Variants in ALOX5AP observed in about 807,000 individuals in gnomAD.
The protein encoded by ALOX5AP is arachidonate 5-lipoxygenase activating protein, also known as arachidonate 5-lipoxygenase-activating protein.
A neutral mutation model predicts 18.5 loss-of-function variants in ALOX5AP; 9 were observed. The ratio of observed to expected loss-of-function variants is 0.49; its 90% CI spans 0.29 to 0.85. ALOX5AP has a LOEUF of 0.85. Among genes scored for constraint, ALOX5AP ranks in the 40% least tolerant of loss-of-function variants. ALOX5AP has a pLI of 0.08. For missense variants in ALOX5AP, 172 were observed against 202.5 expected (o/e 0.85, Z 0.91); for synonymous variants, 81 against 78.6 (o/e 1.03, Z -0.16).
chr13:30,748,604 A>G (rs1337120519), intron 2 of ALOX5AP, among the ~76,000 whole-genome samples: 1 of 152,220 alleles, frequency 6.6e-6, no homozygotes, highest in Non-Finnish European at 1.5e-5. Flanking sequence ...TTCTCAAAAG[A>G]AAATCCAGAA....
chr13:30,723,401 A>C (rs1357342195), intron 1 of ALOX5AP, among the ~76,000 whole-genome samples: 1 of 152,240 alleles, frequency 6.6e-6, no homozygotes, highest in Non-Finnish European at 1.5e-5. Context: ...TGTCATAGAT[A>C]TCTGGTCACC....
chr13:30,727,892 C>T (rs1951651480), intron 1 of ALOX5AP, among the ~76,000 whole-genome samples: 1 of 152,134 alleles, frequency 6.6e-6, no homozygotes, highest in Non-Finnish European at 1.5e-5. Flanking sequence ...TCTTTCCCTC[C>T]TGACAGTCTG....
chr13:30,741,505 T>C (rs1225277530), intron 1 of ALOX5AP, among the ~76,000 whole-genome samples: 2 of 150,148 alleles, frequency 1.3e-5, no homozygotes, highest in Non-Finnish European at 3.0e-5. Context: ...CAAGCAATTC[T>C]CCTGTCTCAG....
chr13:30,763,529 C>T lies in ALOX5AP; in HGVS notation c.324-415C>T, dbSNP rs149436067. On this transcript the variant is annotated intron_variant, in intron 4 of 4. Coordinates refer to ENST00000380490, the MANE Select transcript of ALOX5AP (RefSeq NM_001629.4). Reference sequence around the variant, plus strand: ...GCTCATTTAAACTTCACTTCTAACACAGTCCTGCATTACACACGTGTCTGT... The same window carrying T: ...GCTCATTTAAACTTCACTTCTAACATAGTCCTGCATTACACACGTGTCTGT... 2.1e-3 allele frequency among the ~76,000 whole-genome samples: 324 copies of T among 152,302 alleles called. 1 individual carries two copies. The highest frequency in any genetic ancestry group is 3.5e-3 in the Admixed American group (53 of 15,306).
rs140022167 is a variant in ALOX5AP, at chr13:30,719,255, G to A, written c.116+5414G>A. ...TAAAGTGCTGTATCTGGTATACCTAGAAAACATTCCATAAAAGTTAGTAAT... is the reference window on the plus strand; with the variant it reads ...TAAAGTGCTGTATCTGGTATACCTAAAAAACATTCCATAAAAGTTAGTAAT... On this transcript the variant is annotated intron_variant, in intron 1 of 5. Transcript: ENST00000617770. Among the ~76,000 whole-genome samples the A allele has an allele frequency of 3.2e-4, 48 of 152,304 alleles. No individual in the cohort carries two copies. The East Asian group carries it at 6.9e-3, about 22-fold the overall frequency.
chr13:30,735,336 A>G (rs143638378), upstream of ALOX5AP, among the ~76,000 whole-genome samples: 606 of 151,806 alleles, frequency 4.0e-3, 7 homozygotes, highest in African/African-American at 0.014. Context: ...TGACAAGGAA[A>G]TGTAGGAGAG....
chr13:30,715,245 A>T (rs555143648), intron 1 of ALOX5AP, among the ~76,000 whole-genome samples: 1 of 152,312 alleles, frequency 6.6e-6, no homozygotes, highest in Admixed American at 6.5e-5. Flanking sequence ...AAAAAGGGCA[A>T]TAATATAATA....
intron 1 of ALOX5AP, among the ~76,000 whole-genome samples, chr13:30,737,394 T>A (rs1162113925): frequency 6.6e-6 from 1 of 152,196 alleles, no homozygotes; most frequent in African/African-American, 2.4e-5. Flanking sequence ...CAAACCCTGT[T>A]CAGATTGAGG....
intron 1 of ALOX5AP, among the ~76,000 whole-genome samples, chr13:30,717,599 A>T (rs750546564): frequency 2.6e-5 from 4 of 152,240 alleles, no homozygotes; most frequent in African/African-American, 9.6e-5. Flanking sequence ...ATTGCGAAGG[A>T]CATTTTAAAG....
chr13:30,762,242 G>T (rs4427651), intron 4 of ALOX5AP, among the ~76,000 whole-genome samples: 69,343 of 152,028 alleles, frequency 0.46, 16,015 homozygotes, highest in East Asian at 0.61. Flanking sequence ...ACTTTGAGTA[G>T]CAAGGAGCTT....
At chr13:30,721,091 T>A (rs1951589882) in intron 1 of ALOX5AP, among the ~76,000 whole-genome samples, 1 of 152,202 alleles carries the variant, frequency 6.6e-6, no homozygotes, top group African/African-American at 2.4e-5. Context: ...ACAGGGTTCA[T>A]GGACTCTTCG....
At chr13:30,744,477 G>A (rs1951792984) in intron 2 of ALOX5AP, 2 of 233,756 alleles carry the variant, frequency 8.6e-6, no homozygotes, top group South Asian at 5.8e-5. Context: ...GTTAGACCAG[G>A]GTTGCTACTG....
intron 3 of ALOX5AP, among the ~76,000 whole-genome samples, chr13:30,754,536 A>G (rs17245575): frequency 0.015 from 2,204 of 150,912 alleles, 69 homozygotes; most frequent in African/African-American, 0.051. Flanking sequence ...AGATTGAGCC[A>G]TGTAAAACTG....
At chr13:30,737,696 C>T (rs2137804531) in intron 1 of ALOX5AP, among the ~76,000 whole-genome samples, 1 of 152,224 alleles carries the variant, frequency 6.6e-6, no homozygotes, top group Middle Eastern at 3.4e-3. Context: ...GCCTCTGTCC[C>T]TCCATTGTCA....
intron 1 of ALOX5AP, among the ~76,000 whole-genome samples, chr13:30,737,547 A>T (rs1951730985): frequency 6.6e-6 from 1 of 152,180 alleles, no homozygotes. Flanking sequence ...CTTTTTACAG[A>T]CCACAGGGCA....
At chr13:30,749,726 G>A (rs781259383) in intron 2 of ALOX5AP, among the ~76,000 whole-genome samples, 15 of 152,202 alleles carry the variant, frequency 9.9e-5, no homozygotes, top group Admixed American at 2.6e-4. Flanking sequence ...TGCTCTTTCT[G>A]TCCTGTTCCT....
At chr13:30,723,125 T>C (rs1248128321) in intron 1 of ALOX5AP, among the ~76,000 whole-genome samples, 2 of 152,244 alleles carry the variant, frequency 1.3e-5, no homozygotes, top group Non-Finnish European at 2.9e-5. Context: ...CTGTAACAAA[T>C]TACTTGGAAC....
At position 30,729,787 on chromosome 13, in the gene ALOX5AP, G is replaced by C. The variant is rs566712285; in HGVS notation, c.117-5764G>C. Among the ~76,000 whole-genome samples the C allele has an allele frequency of 2.0e-5, 3 of 152,272 alleles. No individual in the cohort carries two copies. The South Asian group carries it at 6.2e-4, about 32-fold the overall frequency. On this transcript the variant is annotated intron_variant, in intron 1 of 5. Coordinates refer to the ALOX5AP transcript ENST00000617770. ...AGATAGGGTTTTGCCATTTTGGCCA[G>C]ACTGTCTTGAACTCCTGACCTCAGG...
At position 30,735,611 on chromosome 13, in the gene ALOX5AP, T is replaced by A. The variant is rs150121845; in HGVS notation, c.6T>A (p.Asp2Glu). The stretch of plus-strand genomic sequence containing the variant: ...CTGGGGAGCCTGAAGCAAACATGGA[T>A]CAAGAAACTGTAGGCAATGTTGTCC... M[D>E]QETVGNVVLL... Residue 2 changes from aspartate (D) to glutamate (E), a missense_variant, in exon 1 of 5, where the codon GAT becomes GAA. By Grantham distance (45) the Asp-to-Glu change is conservative (BLOSUM62 2). Coordinates refer to ENST00000380490, the MANE Select transcript of ALOX5AP (RefSeq NM_001629.4). The A allele has an allele frequency of 8.1e-6, 13 of 1,614,088 alleles. No individual in the cohort carries two copies. Among genetic ancestry groups the A allele is most frequent in the Non-Finnish European group, 1.1e-5 (13 of 1,180,022 alleles).
Sources: allele counts gnomAD v4.1 joint callset (sites outside exome capture counted in the v4.1 genomes callset), GRCh38; gene constraint gnomAD v4.1.1; transcripts MANE v1.5; gene names NCBI Gene and HGNC (gene_info 2026-07-23, HGNC 2026-07-21).